LITAF: variants seen among roughly 807,000 people sequenced by gnomAD.
The protein encoded by LITAF is lipopolysaccharide-induced tumor necrosis factor-alpha factor.
Under a neutral mutation model 14.5 loss-of-function variants are expected in LITAF, and 9 were observed. The observed-to-expected ratio is 0.62, with a 90% CI of 0.37 to 1.08. The LOEUF is 1.08. LITAF is among the 50% of genes least tolerant of loss of function. The pLI is 0.01. For missense variants in LITAF, 206 were observed against 213.4 expected (o/e 0.97, Z 0.22); for synonymous variants, 98 against 88.2 (o/e 1.11, Z -0.62).
Position 11,608,934 on chromosome 16 carries a change from G to A in LITAF, c.85+24599C>T, listed in dbSNP as rs141079436. On this transcript the variant is annotated intron_variant, in intron 3 of 3. Transcript: ENST00000574848. ...GCTGCACTCCAGCCTGGGTGACAGA[G>A]TGAGACTCTGTCTCACACACACACA... 5.4e-4 allele frequency among the ~76,000 whole-genome samples: 82 copies of A among 151,736 alleles called. 3 individuals carry two copies. The East Asian group carries it at 0.013, about 25-fold the overall frequency.
rs1555469756 is a variant in LITAF, at chr16:11,576,554, A to AAAAAAAAAAAAAAGAC, written c.-6+10331_-6+10332insGTCTTTTTTTTTTTTT. On this transcript the variant is annotated intron_variant, in intron 1 of 3. Transcript: ENST00000622633. ...ATCTGCAAAAAAAAAAAAAAAAAAA[A>AAAAAAAAAAAAAAGAC]AGAGAGAGAGAAAGAGAAAAAGAGA... 1.8e-4 allele frequency among the ~76,000 whole-genome samples: 21 copies of AAAAAAAAAAAAAAGAC among 116,652 alleles called. 2 individuals are homozygous for AAAAAAAAAAAAAAGAC. The highest frequency in any genetic ancestry group is 5.5e-4 in the South Asian group (2 of 3,630). The allele number at this position is 116,652 out of a possible 152,430, so 76.5% of individuals were successfully genotyped here. A position where few individuals can be genotyped will look rare whatever the true frequency, so the allele number is the denominator to read the frequency against.
chr16:11,622,971 T>TATAA (rs1455604348), intron 3 of LITAF, among the ~76,000 whole-genome samples: 1 of 141,990 alleles, frequency 7.0e-6, no homozygotes, highest in African/African-American at 2.7e-5. Flanking sequence ...TATATATATA[T>TATAA]AATTTTTTTT....
intron 1 of LITAF, among the ~76,000 whole-genome samples, chr16:11,594,852 G>C (rs1042648360): frequency 2.0e-5 from 3 of 151,176 alleles, no homozygotes; most frequent in African/African-American, 4.9e-5. Context: ...CTCCAGCCTG[G>C]TCAACAGAGC....
At chr16:11,607,331 T>C (rs1309854758) in intron 3 of LITAF, among the ~76,000 whole-genome samples, 2 of 152,192 alleles carry the variant, frequency 1.3e-5, no homozygotes, top group Non-Finnish European at 2.9e-5. Flanking sequence ...CTCCAGCACA[T>C]TGCCTTGGCC....
intron 1 of LITAF, among the ~76,000 whole-genome samples, chr16:11,574,511 T>C (rs916006111): frequency 1.4e-4 from 22 of 152,116 alleles, no homozygotes; most frequent in African/African-American, 5.3e-4. Context: ...CATAGTAATA[T>C]TACATATTTA....
intron 1 of LITAF, among the ~76,000 whole-genome samples, chr16:11,595,076 T>G (rs902781128): frequency 1.3e-5 from 2 of 152,190 alleles, no homozygotes; most frequent in African/African-American, 4.8e-5. Context: ...CAGTTGCCAG[T>G]AAACAGCCCC....
chr16:11,580,833 C>T (rs2064721131), intron 1 of LITAF, among the ~76,000 whole-genome samples: 1 of 152,144 alleles, frequency 6.6e-6, no homozygotes, highest in Non-Finnish European at 1.5e-5. Context: ...GGCACTATCT[C>T]GGCTCACTGC....
At chr16:11,587,614 C>T (rs1359303025), upstream of LITAF, 2 of 254,964 alleles carry the variant, frequency 7.8e-6, no homozygotes, top group South Asian at 3.4e-5. Flanking sequence ...GCTTTGTGCC[C>T]CCAGGGTGGT....
chr16:11,585,368 G>C (rs539352392), intron 1 of LITAF, among the ~76,000 whole-genome samples: 2 of 152,208 alleles, frequency 1.3e-5, no homozygotes, highest in East Asian at 1.9e-4. Flanking sequence ...AAAGTAACAG[G>C]AAAGAGGGAG....
In LITAF at chr16:11,631,228, G is replaced by A. The variant is rs569949401; in HGVS notation, c.85+2305C>T. ...TTATCACATCACCACAAACTGAGGC[G>A]CTTAAAACAGCAATGTATTCTCTGT... On this transcript the variant is annotated intron_variant, in intron 3 of 3. Coordinates refer to the LITAF transcript ENST00000574848. Among the ~76,000 whole-genome samples the A allele has an allele frequency of 4.6e-5, 7 of 152,224 alleles. 1 individual carries two copies. In the East Asian group the frequency reaches 9.7e-4, roughly 21 times the overall value.
At chr16:11,573,505 G>C (rs2064578723) in intron 1 of LITAF, among the ~76,000 whole-genome samples, 1 of 152,170 alleles carries the variant, frequency 6.6e-6, no homozygotes, top group Non-Finnish European at 1.5e-5. Flanking sequence ...CAGCGTTGCT[G>C]GTAACAGCAG....
rs1282569444 is a variant in LITAF, at chr16:11,549,412, C to T, written c.*225G>A. ...GAGGCAGGAAACCGTGGAACTGACA[C>T]TCAAGGGGAATGTCTTTGCAAGTCC... On this transcript the variant is annotated 3_prime_UTR_variant, in exon 4 of 4. Transcript: ENST00000622633. This position sits in a 1 kb window ranked among gnomAD's most constrained non-coding sequence, Gnocchi z 4.6. 2 of 590,786 alleles carry T rather than the reference C, an allele frequency of 3.4e-6. No individual in the cohort carries two copies. Among genetic ancestry groups the T allele is most frequent in the East Asian group, 7.4e-5 (2 of 27,042 alleles). 36.6% of individuals were successfully genotyped at this position (590,786 alleles called of 1,614,324 possible). A position where few individuals can be genotyped will look rare whatever the true frequency, so the allele number is the denominator to read the frequency against.
In LITAF at chr16:11,558,564, CA is replaced by C. The variant is rs1306015257; in HGVS notation, c.-5-1830del. Among the ~76,000 whole-genome samples, 2 of 151,894 alleles carry C rather than the reference CA, an allele frequency of 1.3e-5. No individual in the cohort carries two copies. Among genetic ancestry groups the C allele is most frequent in the African/African-American group, 4.8e-5 (2 of 41,348 alleles). On this transcript the variant is annotated intron_variant, in intron 1 of 3. Coordinates refer to ENST00000622633, the MANE Select transcript of LITAF (RefSeq NM_001136472.2). This position sits in a 1 kb window ranked among gnomAD's most constrained non-coding sequence, Gnocchi z 4.1. ...CTCTACAACGAATAAAAAAAGTAGC[CA>C]GGTGTAGTGGCACACACCTGTAATC...
chr16:11,549,452 A>G lies in LITAF; in HGVS notation c.*185T>C, dbSNP rs565356536. 6.6e-5 allele frequency: 43 copies of G among 656,296 alleles called. No individual in the cohort carries two copies. The highest frequency in any genetic ancestry group is 1.1e-4 in the Non-Finnish European group (39 of 355,496). The allele number at this position is 656,296 out of a possible 1,614,324, so 40.7% of individuals were successfully genotyped here. On this transcript the variant is annotated 3_prime_UTR_variant, in exon 4 of 4. Coordinates refer to ENST00000622633, the MANE Select transcript of LITAF (RefSeq NM_001136472.2). This position sits in a 1 kb window ranked among gnomAD's most constrained non-coding sequence, Gnocchi z 4.6. ...TTTGCAAGTCCTATGCACGACTCCAAGCAGCAATTTCTGGGGTTTGGAGAT... is the reference window on the plus strand; with the variant it reads ...TTTGCAAGTCCTATGCACGACTCCAGGCAGCAATTTCTGGGGTTTGGAGAT...
intron 1 of LITAF, among the ~76,000 whole-genome samples, chr16:11,559,644 A>G (rs2064327722): frequency 6.6e-6 from 1 of 151,962 alleles, no homozygotes; most frequent in Non-Finnish European, 1.5e-5. Context: ...CAGCTTAGAT[A>G]TATGAAGTTA....
chr16:11,560,672 G>A (rs1006134882), intron 1 of LITAF, among the ~76,000 whole-genome samples: 1 of 152,092 alleles, frequency 6.6e-6, no homozygotes, highest in Non-Finnish European at 1.5e-5. Flanking sequence ...GCTGTGAGCC[G>A]TGGGAGTCAC....
chr16:11,550,350 C>T (rs1007772686), intron 3 of LITAF, among the ~76,000 whole-genome samples: 2 of 152,042 alleles, frequency 1.3e-5, no homozygotes, highest in African/African-American at 2.4e-5. Context: ...TTGGCCTCCC[C>T]AAGTGCTGGG....
chr16:11,556,552 G>T lies in LITAF; in HGVS notation c.179C>A (p.Ser60Ter), dbSNP rs765644026. Reference sequence around the variant, plus strand: ...GATGGGCGCTGGCTGGGTATAATACGAAGGAGGATTCATGCCCTTCCCATC... The same window carrying T: ...GATGGGCGCTGGCTGGGTATAATACTAAGGAGGATTCATGCCCTTCCCATC... The part of the protein sequence containing the change: ...GPDGKGMNPP[S>*]YYTQPAPIPN... The change falls in exon 2 of 4, where the codon TCG becomes TAG. Residue 60 changes from serine to a stop codon, truncating the protein, a stop_gained. Transcript: ENST00000622633. LOFTEE classifies it high-confidence loss of function. The T allele has an allele frequency of 1.2e-6, 2 of 1,614,182 alleles. No individual in the cohort carries two copies. Among genetic ancestry groups the T allele is most frequent in the South Asian group, 2.2e-5 (2 of 91,078 alleles).
At chr16:11,618,299 T>C (rs1179777205) in intron 3 of LITAF, among the ~76,000 whole-genome samples, 1 of 152,186 alleles carries the variant, frequency 6.6e-6, no homozygotes, top group Non-Finnish European at 1.5e-5. Flanking sequence ...CAGGCAGAAA[T>C]ACTAGTCTAG....
Sources: gnomAD v4.1 joint callset for allele counts (sites outside exome capture counted in the v4.1 genomes callset) on GRCh38, gnomAD v4.1.1 for gene constraint, Gnocchi (gnomAD v3.1) non-coding constraint, MANE v1.5 for transcripts, NCBI Gene and HGNC (gene_info 2026-07-23, HGNC 2026-07-21) for gene names.